The following VPS13C variants were observed in gnomAD, a reference collection of about 807,000 sequenced individuals.
VPS13C encodes the protein vacuolar protein sorting 13 homolog C.
A neutral mutation model predicts 456.8 loss-of-function variants in VPS13C; 358 were observed. That is an observed-to-expected ratio of 0.78 (90% CI 0.72 to 0.86). The LOEUF (loss-of-function observed/expected upper bound fraction) is 0.86. VPS13C is among the 40% of genes least tolerant of loss of function. VPS13C has a pLI of 0.00. For synonymous variants in VPS13C, 1,578 were observed against 1,486.7 expected (o/e 1.06, Z -1.41); for missense variants, 4,818 against 4,385.4 (o/e 1.10, Z -2.79).
At chr15:61,952,866 C>T (rs1023381007) in intron 38 of VPS13C, among the ~76,000 whole-genome samples, 2 of 151,788 alleles carry the variant, frequency 1.3e-5, no homozygotes, top group African/African-American at 4.8e-5. Flanking sequence ...GCACATGCCA[C>T]CACAACTGAC....
At chr15:62,047,529 C>A (rs540743764) in intron 1 of VPS13C, among the ~76,000 whole-genome samples, 1 of 151,984 alleles carries the variant, frequency 6.6e-6, no homozygotes, top group Admixed American at 6.5e-5. Context: ...ATCTAACAAA[C>A]AGTAACTGTA....
rs1052573961 is a variant in VPS13C at position 61,853,235 on chromosome 15, A to G, written c.*1222T>C. On this transcript the variant is annotated 3_prime_UTR_variant, in exon 85 of 85. Transcript: ENST00000644861. ...AGAATTTTCATTCTTCTTAGTAAGT[A>G]TTTAAAATACATTCTAGGCGTGCAT... The G allele has an allele frequency of 1.3e-5, 2 of 152,186 alleles. No homozygotes were observed. The highest frequency in any genetic ancestry group is 4.8e-5 in the African/African-American group (2 of 41,454). 9.4% of individuals were successfully genotyped at this position (152,186 alleles called of 1,614,324 possible). A position where few individuals can be genotyped will look rare whatever the true frequency, so the allele number is the denominator to read the frequency against.
Position 62,026,567 on chromosome 15 carries a change from A to C in VPS13C, c.448+1791T>G, listed in dbSNP as rs575927055. ...AAGTGGTTTTGTTGAAGTGTCTACC[A>C]AACAACCAAATCTGAATAATGATAG... On this transcript the variant is annotated intron_variant, in intron 6 of 84. Transcript: ENST00000644861. Among the ~76,000 whole-genome samples the C allele has an allele frequency of 4.4e-4, 67 of 152,136 alleles. 1 individual carries two copies. Among genetic ancestry groups the C allele is most frequent in the African/African-American group, 1.4e-3 (59 of 41,518 alleles).
intron 15 of VPS13C, among the ~76,000 whole-genome samples, chr15:62,005,419 G>A (rs191866944): frequency 6.6e-5 from 10 of 152,042 alleles, no homozygotes; most frequent in Admixed American, 3.3e-4. Flanking sequence ...GTCTCTGCAC[G>A]TGAGATGGGT....
At chr15:62,055,235 T>A (rs947535369) in intron 1 of VPS13C, among the ~76,000 whole-genome samples, 4 of 126,228 alleles carry the variant, frequency 3.2e-5, no homozygotes, top group African/African-American at 8.1e-5. Flanking sequence ...CTTCTCAACC[T>A]TTTTTTTTTG....
chr15:61,998,290 T>A (rs1318844527), intron 16 of VPS13C, among the ~76,000 whole-genome samples: 1 of 152,218 alleles, frequency 6.6e-6, no homozygotes, highest in African/African-American at 2.4e-5. Context: ...CAAATCATCA[T>A]CACTGACTAG....
chr15:61,881,265 T>C (rs755145093), intron 71 of VPS13C, among the ~76,000 whole-genome samples: 6 of 152,116 alleles, frequency 3.9e-5, no homozygotes, highest in Non-Finnish European at 7.4e-5. Context: ...TCACAGCAAT[T>C]ACATTAAAGA....
chr15:61,942,050 G>A lies in VPS13C; in HGVS notation c.5166C>T (p.Phe1722=), dbSNP rs571477527. ...FMSLLNFLNN[F]QTAKEALSTA... is the part of the protein sequence containing the mutation. ...TACTCAAAGCTTCTTTAGCAGTTTG[G>A]AAATTGTTGAGGAAGTTCTGTTGGA... Residue 1722 remains phenylalanine (F), a synonymous_variant, in exon 46 of 85, where the codon TTC becomes TTT. Transcript: ENST00000644861. 4 of 1,581,858 alleles carry A rather than the reference G, an allele frequency of 2.5e-6. No individual in the cohort carries two copies. The South Asian group carries it at 4.7e-5, about 19-fold the overall frequency.
In VPS13C at chr15:62,012,093, T is replaced by C. The variant is rs941679194; in HGVS notation, c.883+14A>G. On this transcript the variant is annotated intron_variant, in intron 12 of 84. Coordinates refer to ENST00000644861, the MANE Select transcript of VPS13C (RefSeq NM_020821.3). ...TCTTCCTATAACATGAAATAAACTT[T>C]TACTATTACTTACTGTATTGATAAT... 1 of 1,393,918 alleles carries C rather than the reference T, an allele frequency of 7.2e-7. No homozygotes were observed. Among genetic ancestry groups the C allele is most frequent in the Non-Finnish European group, 1.0e-6 (1 of 991,296 alleles). The allele number at this position is 1,393,918 out of a possible 1,614,324, so 86.3% of individuals were successfully genotyped here. A position where few individuals can be genotyped will look rare whatever the true frequency, so the allele number is the denominator to read the frequency against.
At chr15:62,022,209 CA>C (rs1337886816) in intron 8 of VPS13C, among the ~76,000 whole-genome samples, 1 of 151,806 alleles carries the variant, frequency 6.6e-6, no homozygotes, top group Non-Finnish European at 1.5e-5. Flanking sequence ...TCTGCAAACA[CA>C]AACAGTACCA....
intron 42 of VPS13C, 28 bp from the exon 43 acceptor site, chr15:61,947,337 A>G: frequency 1.3e-6 from 2 of 1,511,004 alleles, no homozygotes; most frequent in African/African-American, 1.4e-5. Flanking sequence ...CCTTCTGATG[A>G]GCAAAGGGAA....
Position 61,967,240 on chromosome 15 carries a change from AC to A in VPS13C, c.2991+127del, listed in dbSNP as rs2045405351. The A allele has an allele frequency of 6.8e-5, 51 of 745,200 alleles. 2 individuals carry two copies. The South Asian group carries it at 9.1e-4, about 13-fold the overall frequency. The allele number at this position is 745,200 out of a possible 1,614,324, so 46.2% of individuals were successfully genotyped here. The stretch of plus-strand genomic sequence containing the variant: ...AGAAGGTGTACAAATGAAAAAAGAA[AC>A]AGATTTCCCTCTAATTAGAAACTGT... On this transcript the variant is annotated intron_variant, in intron 29 of 84. Coordinates refer to ENST00000644861, the MANE Select transcript of VPS13C (RefSeq NM_020821.3).
Position 61,938,280 on chromosome 15 carries a change from A to G in VPS13C, c.5602-1530T>C, listed in dbSNP as rs373131410. The stretch of plus-strand genomic sequence containing the variant: ...TCACTTTGCTGTGGGGTGGGGGGGG[A>G]ACAAGTATGAAGGACAATTTTGAAA... On this transcript the variant is annotated intron_variant, in intron 47 of 84. Transcript: ENST00000644861. Among the ~76,000 whole-genome samples, 601 of 150,580 alleles carry G rather than the reference A, an allele frequency of 4.0e-3. 14 individuals are homozygous for G. Among genetic ancestry groups the G allele is most frequent in the African/African-American group, 0.014 (566 of 40,124 alleles).
chr15:62,016,408 C>T (rs1045482768), intron 9 of VPS13C, among the ~76,000 whole-genome samples: 3 of 146,316 alleles, frequency 2.1e-5, no homozygotes, highest in African/African-American at 7.6e-5. Flanking sequence ...TCTCTTAATG[C>T]TATCCCTCCC....
At chr15:61,995,223 A>C (rs2046344212) in intron 16 of VPS13C, among the ~76,000 whole-genome samples, 1 of 152,070 alleles carries the variant, frequency 6.6e-6, no homozygotes, top group Non-Finnish European at 1.5e-5. Flanking sequence ...AACCCAAATA[A>C]AACTTCTGAA....
intron 28 of VPS13C, among the ~76,000 whole-genome samples, chr15:61,968,636 A>G (rs1387483419): frequency 1.3e-5 from 2 of 152,058 alleles, no homozygotes; most frequent in African/African-American, 4.8e-5. Context: ...TGAATAAACA[A>G]TCAGAGTTTC....
chr15:62,045,320 A>G (rs975840970), intron 1 of VPS13C, among the ~76,000 whole-genome samples: 1 of 152,102 alleles, frequency 6.6e-6, no homozygotes, highest in East Asian at 1.9e-4. Flanking sequence ...CAACCTAATA[A>G]TTTTCTAAAA....
At chr15:61,865,582 G>GTA (rs910119220) in intron 81 of VPS13C, 2 of 695,462 alleles carry the variant, frequency 2.9e-6, no homozygotes, top group African/African-American at 2.0e-5. Context: ...ATATATGTGT[G>GTA]TATATGTGTG....
intron 19 of VPS13C, among the ~76,000 whole-genome samples, chr15:61,984,357 T>A (rs1226020751): frequency 6.6e-6 from 1 of 152,184 alleles, no homozygotes; most frequent in Non-Finnish European, 1.5e-5. Context: ...ACCCTCTTAC[T>A]CCATTCCAGC....
Sources: allele counts gnomAD v4.1 joint callset (sites outside exome capture counted in the v4.1 genomes callset), GRCh38; gene constraint gnomAD v4.1.1; transcripts MANE v1.5; gene names NCBI Gene and HGNC (gene_info 2026-07-23, HGNC 2026-07-21).